The following DIAPH2 variants were observed in gnomAD, a reference collection of about 807,000 sequenced individuals.
DIAPH2 encodes the protein protein diaphanous homolog 2.
In DIAPH2, 35 loss-of-function variants were observed where a neutral mutation model predicts 92.7. The ratio of observed to expected loss-of-function variants is 0.38; its 90% CI spans 0.29 to 0.50. The LOEUF (loss-of-function observed/expected upper bound fraction) is 0.50. Among genes scored for constraint, DIAPH2 ranks in the 20% least tolerant of loss-of-function variants. DIAPH2 has a pLI of 0.94. For missense variants in DIAPH2, 701 were observed against 819.5 expected (o/e 0.86, Z 1.77); for synonymous variants, 301 against 280.4 (o/e 1.07, Z -0.73).
intron 26 of DIAPH2, among the ~76,000 whole-genome samples, chrX:97,584,140 C>G (rs943390706): frequency 3.6e-5 from 4 of 112,257 alleles, no homozygotes; most frequent in Non-Finnish European, 7.5e-5. Flanking sequence ...TGTTCTGCGT[C>G]GCTCAGGCTG....
intron 26 of DIAPH2, among the ~76,000 whole-genome samples, chrX:97,493,062 G>C (rs1219953872): frequency 9.0e-6 from 1 of 111,549 alleles, no homozygotes; most frequent in Non-Finnish European, 1.9e-5. Flanking sequence ...AAGTAGCTTA[G>C]GCTTTCTTCA....
intron 17 of DIAPH2, among the ~76,000 whole-genome samples, chrX:97,029,470 C>A (rs1167198822): frequency 5.4e-5 from 6 of 111,266 alleles, no homozygotes; most frequent in African/African-American, 2.0e-4. Context: ...ATCTCCCATT[C>A]TCTGGGTTGT....
In DIAPH2 at chrX:96,685,068, C is replaced by T. The variant is rs1448729146; in HGVS notation, c.10C>T (p.Pro4Ser). The change falls in exon 1 of 27, where the codon CCC becomes TCC. Residue 4 changes from proline (P) to serine (S), a missense_variant. This residue lies in a region of DIAPH2 where 131 missense variants were observed against 145.6 expected (regional missense o/e 0.90). Transcript: ENST00000324765. MEQ[P>S]GAAASGAGGG... ...ACAGGGCCGGAGAAAGATGGAGCAG[C>T]CCGGGGCGGCGGCGTCGGGAGCGGG... 3.0e-6 allele frequency: 3 copies of T among 1,002,085 alleles called. No individual in the cohort carries two copies. The highest frequency in any genetic ancestry group is 5.3e-5 in the Admixed American group (1 of 18,698). The allele number at this position is 1,002,085 out of a possible 1,213,427, so 82.6% of individuals were successfully genotyped here. A position where few individuals can be genotyped will look rare whatever the true frequency, so the allele number is the denominator to read the frequency against.
rs746930782 is a variant in DIAPH2, at chrX:97,600,701, G to GTGAT, written c.*1386_*1389dup. The GTGAT allele has an allele frequency of 9.0e-6, 1 of 110,553 alleles. No homozygotes were observed. The highest frequency in any genetic ancestry group is 3.3e-5 in the African/African-American group (1 of 30,357). The allele number at this position is 110,553 out of a possible 1,213,427, so 9.1% of individuals were successfully genotyped here. A position where few individuals can be genotyped will look rare whatever the true frequency, so the allele number is the denominator to read the frequency against. ...GTCTAATTCATGCAGATGATTGATT[G>GTGAT]TGATTATTGTAAGAAATTTCTTACA... On this transcript the variant is annotated 3_prime_UTR_variant, in exon 27 of 27. Transcript: ENST00000324765.
chrX:96,810,276 G>A (rs1405712276), intron 4 of DIAPH2, among the ~76,000 whole-genome samples: 2 of 112,302 alleles, frequency 1.8e-5, no homozygotes, highest in African/African-American at 6.5e-5. Context: ...CAGTGATGAT[G>A]AGCATTTTTT....
At chrX:97,552,755 G>C (rs1245913396) in intron 26 of DIAPH2, among the ~76,000 whole-genome samples, 1 of 111,846 alleles carries the variant, frequency 8.9e-6, no homozygotes, top group Admixed American at 9.5e-5. Context: ...TCTGCAAATA[G>C]TTGTTGACTT....
intron 4 of DIAPH2, among the ~76,000 whole-genome samples, chrX:96,796,877 C>G (rs185836401): frequency 9.0e-6 from 1 of 111,663 alleles, no homozygotes; most frequent in African/African-American, 3.3e-5. Flanking sequence ...CTATTTCACA[C>G]ACATTTCTGG....
intron 22 of DIAPH2, among the ~76,000 whole-genome samples, chrX:97,196,333 C>T (rs754263526): frequency 2.7e-5 from 3 of 112,059 alleles, no homozygotes; most frequent in South Asian, 7.4e-4. Flanking sequence ...CTTACCTTTG[C>T]TCATTCAGTT....
At position 96,916,432 on chromosome X, in the gene DIAPH2, T is replaced by TG; in HGVS notation, c.733-6_733-5insG. On this transcript the variant is annotated splice_polypyrimidine_tract_variant and splice_region_variant and intron_variant, in intron 7 of 26. Coordinates refer to ENST00000324765, the MANE Select transcript of DIAPH2 (RefSeq NM_006729.5). ...CTGAATGAAGGTTTTTTTTTTTTTTTTTTAGTTTGGATTACAAAGGATTCT... is the reference window on the plus strand; with the variant it reads ...CTGAATGAAGGTTTTTTTTTTTTTTTGTTTAGTTTGGATTACAAAGGATTCT... The TG allele has an allele frequency of 8.9e-7, 1 of 1,118,412 alleles. No homozygotes were observed. The allele number at this position is 1,118,412 out of a possible 1,213,427, so 92.2% of individuals were successfully genotyped here.
At chrX:97,477,962 G>GA (rs1046379600) in intron 26 of DIAPH2, among the ~76,000 whole-genome samples, 6 of 110,907 alleles carry the variant, frequency 5.4e-5, no homozygotes, top group East Asian at 2.8e-4. Flanking sequence ...AGTTTCTAAT[G>GA]AAAAAAACAC....
At chrX:97,177,719 A>C (rs1164503782) in intron 22 of DIAPH2, among the ~76,000 whole-genome samples, 3 of 109,021 alleles carry the variant, frequency 2.8e-5, no homozygotes, top group Non-Finnish European at 3.8e-5. Flanking sequence ...TAAAAAAAAA[A>C]AAAAAAACAA....
intron 16 of DIAPH2, among the ~76,000 whole-genome samples, chrX:96,962,322 TAC>T (rs773725549): frequency 8.1e-4 from 40 of 49,607 alleles, no homozygotes; most frequent in South Asian, 1.2e-3. Flanking sequence ...CATATATATA[TAC>T]ACATATATAT....
intron 3 of DIAPH2, among the ~76,000 whole-genome samples, chrX:96,753,423 C>A (rs2064205749): frequency 2.7e-5 from 3 of 111,746 alleles, no homozygotes; most frequent in Admixed American, 1.9e-4. Context: ...TCCTACCTTG[C>A]ATTTGTTAAA....
At chrX:96,771,521 G>A (rs1001181211) in intron 4 of DIAPH2, among the ~76,000 whole-genome samples, 22 of 111,439 alleles carry the variant, frequency 2.0e-4, no homozygotes, top group Admixed American at 1.7e-3. Context: ...TGTAGAATGA[G>A]GTAATTATAT....
intron 26 of DIAPH2, among the ~76,000 whole-genome samples, chrX:97,464,434 G>A (rs888049647): frequency 9.1e-6 from 1 of 109,875 alleles, no homozygotes; most frequent in African/African-American, 3.3e-5. Context: ...CCCAGATCGC[G>A]CCATTGGTTT....
chrX:96,912,127 G>A (rs149832295), intron 5 of DIAPH2, among the ~76,000 whole-genome samples: 29 of 111,471 alleles, frequency 2.6e-4, no homozygotes, highest in Non-Finnish European at 4.9e-4. Flanking sequence ...AATCTAAAAT[G>A]TGGAGAAGTC....
chrX:96,927,621 T>TATTTA (rs923066816), intron 9 of DIAPH2, among the ~76,000 whole-genome samples: 9 of 111,699 alleles, frequency 8.1e-5, no homozygotes, highest in African/African-American at 2.9e-4. Flanking sequence ...TTTTTAATTT[T>TATTTA]ATTTAATTGT....
chrX:96,837,433 C>CTCTCTGTGTGTGTG lies in DIAPH2; in HGVS notation c.448-44145_448-44144insCTCTGTGTGTGTGT, dbSNP rs1189132418. On this transcript the variant is annotated intron_variant, in intron 4 of 26. Transcript: ENST00000324765. Reference sequence around the variant, plus strand: ...TCTCTCTCTCTCTCTCTCTCTCTCTCTGTGTGTGTGTGTGTGTGTGTGTGT... The same window carrying CTCTCTGTGTGTGTG: ...TCTCTCTCTCTCTCTCTCTCTCTCTCTCTCTGTGTGTGTGTGTGTGTGTGTGTGTGTGTGTGTGT... Among the ~76,000 whole-genome samples the CTCTCTGTGTGTGTG allele has an allele frequency of 2.9e-4, 12 of 41,341 alleles. No individual in the cohort carries two copies. The East Asian group carries it at 3.2e-3, about 11-fold the overall frequency. 35.9% of individuals were successfully genotyped at this position (41,341 alleles called of 115,157 possible).
At chrX:97,358,250 A>G (rs2069287651) in intron 24 of DIAPH2, among the ~76,000 whole-genome samples, 1 of 111,881 alleles carries the variant, frequency 8.9e-6, no homozygotes, top group Non-Finnish European at 1.9e-5. Flanking sequence ...GTGTTAATTT[A>G]GGCCAGTGGT....
Sources: allele counts gnomAD v4.1 joint callset (sites outside exome capture counted in the v4.1 genomes callset), GRCh38; gene constraint gnomAD v4.1.1; regional missense constraint gnomAD v4.1.1; transcripts MANE v1.5; gene names NCBI Gene and HGNC (gene_info 2026-07-23, HGNC 2026-07-21).